The following SRRT variants were observed in gnomAD, a reference collection of about 807,000 sequenced individuals.
SRRT encodes serrate, RNA effector molecule.
In SRRT, 32 loss-of-function variants were observed where a neutral mutation model predicts 103.2. The observed-to-expected ratio is 0.31, with a 90% CI of 0.23 to 0.42. The LOEUF (loss-of-function observed/expected upper bound fraction) is 0.42, where lower values mean the gene tolerates loss of function less well. SRRT is among the 10% of genes least tolerant of loss of function. The pLI is 1.00. For missense variants in SRRT, 986 were observed against 1,207.5 expected (o/e 0.82, Z 2.72); for synonymous variants, 525 against 449.0 (o/e 1.17, Z -2.14).
chr7:100,876,582 A>C (rs1432807869), intron 2 of SRRT, among the ~76,000 whole-genome samples: 1 of 152,164 alleles, frequency 6.6e-6, no homozygotes, highest in Non-Finnish European at 1.5e-5. Context: ...TATTTCCCTG[A>C]CAATATATGA....
rs1197723954 is a variant in SRRT, at chr7:100,887,207, T to G, written c.1975+7T>G. The G allele has an allele frequency of 7.4e-6, 12 of 1,614,108 alleles. No individual in the cohort carries two copies. The highest frequency in any genetic ancestry group is 1.0e-5 in the Non-Finnish European group (12 of 1,179,978). Reference sequence around the variant, plus strand: ...CGCATCAGTCACGGGGAAGGTGAGCTCCAGGTTCCCCTTTGTTCCCGGCTG... The same window carrying G: ...CGCATCAGTCACGGGGAAGGTGAGCGCCAGGTTCCCCTTTGTTCCCGGCTG... On this transcript the variant is annotated splice_region_variant and intron_variant, in intron 15 of 19. Transcript: ENST00000611405. The surrounding 1 kb of genome is among the most constrained non-coding windows in gnomAD (Gnocchi z 4.1).
At chr7:100,880,924 G>GAA in intron 2 of SRRT, among the ~76,000 whole-genome samples, 1 of 152,106 alleles carries the variant, frequency 6.6e-6, no homozygotes, top group Admixed American at 6.6e-5. Context: ...TTGAGACAGG[G>GAA]TCTCTGTTGC....
chr7:100,876,754 T>C (rs546048578), intron 2 of SRRT, among the ~76,000 whole-genome samples: 1 of 151,856 alleles, frequency 6.6e-6, no homozygotes, highest in East Asian at 1.9e-4. Context: ...GTATATATAG[T>C]GGAAGTTATA....
chr7:100,881,815 G>C lies in SRRT; in HGVS notation c.398+10G>C, dbSNP rs907037899. 3.1e-6 allele frequency: 5 copies of C among 1,591,716 alleles called. No homozygotes were observed. The highest frequency in any genetic ancestry group is 4.3e-6 in the Non-Finnish European group (5 of 1,171,824). On this transcript the variant is annotated intron_variant, in intron 4 of 19. Coordinates refer to ENST00000611405, the MANE Select transcript of SRRT (RefSeq NM_015908.6). ...TGCCTATCCAGGCCAGGTAAGGGTG[G>C]GGCTTCTCAGAAGAGGGTTGGTAGG... is the stretch of plus-strand genomic sequence containing the variant.
Position 100,886,403 on chromosome 7 carries a change from G to A in SRRT, c.1615G>A (p.Ala539Thr). Residue 539 changes from alanine to threonine, a missense_variant, in exon 13 of 20, where the codon GCC becomes ACC. Coordinates refer to ENST00000611405, the MANE Select transcript of SRRT (RefSeq NM_015908.6). ...HTLDDRTQLW[A>T]SEPGTPPLPT... ...GCTGGATGACAGGACACAGCTTTGG[G>A]CCTCAGAACCAGGGACGCCTCCCCT... The A allele has an allele frequency of 5.6e-6, 9 of 1,613,304 alleles. No homozygotes were observed. Among genetic ancestry groups the A allele is most frequent in the African/African-American group, 1.3e-5 (1 of 75,020 alleles).
chr7:100,880,829 G>A (rs1816237724), intron 2 of SRRT: 1 of 309,766 alleles, frequency 3.2e-6, no homozygotes, highest in Non-Finnish European at 6.6e-6. Flanking sequence ...GGAAGGCCAG[G>A]CTGGGAGAAG....
At chr7:100,883,282 A>G (rs1463335292) in intron 5 of SRRT, among the ~76,000 whole-genome samples, 1 of 151,306 alleles carries the variant, frequency 6.6e-6, no homozygotes, top group South Asian at 2.1e-4. Context: ...TGGTTTTTTT[A>G]GTTTCTCTCT....
chr7:100,879,086 G>A (rs1162382909), intron 2 of SRRT, among the ~76,000 whole-genome samples: 1 of 152,086 alleles, frequency 6.6e-6, no homozygotes, highest in Non-Finnish European at 1.5e-5. Context: ...CTCCCGAGTA[G>A]TTGGGATTAC....
chr7:100,887,266 ATCCTTCCTTCTGGCTCCCTTGCCAACCT>A lies in SRRT; in HGVS notation c.1976-45_1976-18del. The A allele has an allele frequency of 5.0e-6, 8 of 1,610,448 alleles. No individual in the cohort carries two copies. The highest frequency in any genetic ancestry group is 6.8e-6 in the Non-Finnish European group (8 of 1,177,356). On this transcript the variant is annotated intron_variant, in intron 15 of 19. Coordinates refer to ENST00000611405, the MANE Select transcript of SRRT (RefSeq NM_015908.6). The surrounding 1 kb of genome is among the most constrained non-coding windows in gnomAD (Gnocchi z 4.1). Reference sequence around the variant, plus strand: ...CTTGGTCCTCCAGCCCCTTGCCACCATCCTTCCTTCTGGCTCCCTTGCCAACCTTCCTTCCTCTGTTCCCAAACCACAG... The same window carrying A: ...CTTGGTCCTCCAGCCCCTTGCCACCATCCTTCCTCTGTTCCCAAACCACAG...
intron 2 of SRRT, 115 bp downstream of exon 2, chr7:100,875,827 A>C: frequency 7.4e-7 from 1 of 1,359,344 alleles, no homozygotes; most frequent in Non-Finnish European, 1.0e-6. Context: ...GAAATGGCTC[A>C]TTGGACCGTT....
Position 100,882,325 on chromosome 7 carries a change from AGTTTTCCCT to A in SRRT, c.587+87_587+95del, listed in dbSNP as rs1282108780. 6.8e-7 allele frequency: 1 copy of A among 1,477,722 alleles called. No homozygotes were observed. Among genetic ancestry groups the A allele is most frequent in the Non-Finnish European group, 9.2e-7 (1 of 1,090,342 alleles). 91.5% of individuals were successfully genotyped at this position (1,477,722 alleles called of 1,614,324 possible). A position where few individuals can be genotyped will look rare whatever the true frequency, so the allele number is the denominator to read the frequency against. On this transcript the variant is annotated intron_variant, in intron 5 of 19. Transcript: ENST00000611405. The surrounding 1 kb of genome is among the most constrained non-coding windows in gnomAD (Gnocchi z 4.2). ...GGAGCCACAGCCCTGTCCTCTTCCCAGTTTTCCCTGTCCAGAACTTTCTGGGGGCGGGGG... is the reference window on the plus strand; with the variant it reads ...GGAGCCACAGCCCTGTCCTCTTCCCAGTCCAGAACTTTCTGGGGGCGGGGG...
In SRRT at chr7:100,880,951, T is replaced by C. The variant is rs139223621; in HGVS notation, c.123-334T>C. Among the ~76,000 whole-genome samples, 138 of 152,292 alleles carry C rather than the reference T, an allele frequency of 9.1e-4. 5 individuals carry two copies. Among genetic ancestry groups the C allele is most frequent in the Admixed American group, 8.0e-3 (122 of 15,294 alleles). The stretch of plus-strand genomic sequence containing the variant: ...CTCTGTTGCCAGGGCTGGAGTGCAG[T>C]GGCTTGCCCTGACTAGAGAAAAATC... On this transcript the variant is annotated intron_variant, in intron 2 of 19. Transcript: ENST00000611405.
rs1387288591 is a variant in SRRT at position 100,884,954 on chromosome 7, G to A, written c.1073G>A (p.Gly358Asp). ...AAGAAGCGGAACCGGAAGCACAGTG[G>A]TGACGACAGCTTTGACGAGGGCAGC... ...SSKKRNRKHS[G>D]DDSFDEGSVS... is the part of the protein sequence containing the mutation. Residue 358 changes from glycine to aspartate, a missense_variant, in exon 9 of 20, where the codon GGT becomes GAT. By Grantham distance (94) the Gly-to-Asp change is moderately conservative. Around this residue, in one of 6 missense-constraint regions of SRRT, gnomAD observed 166 missense variants for 148.6 expected, o/e 1.12. Transcript: ENST00000611405. 8.1e-6 allele frequency: 13 copies of A among 1,614,120 alleles called. No individual in the cohort carries two copies. Among genetic ancestry groups the A allele is most frequent in the Non-Finnish European group, 1.1e-5 (13 of 1,180,018 alleles).
chr7:100,886,982 C>CG lies in SRRT; in HGVS notation c.1821+15dup. The stretch of plus-strand genomic sequence containing the variant: ...AAGTTGATTAAGGTGCCAGTGGCAG[C>CG]GCGGGGCACGTGGGGGCTCGGGCGG... On this transcript the variant is annotated intron_variant, in intron 14 of 19. Coordinates refer to ENST00000611405, the MANE Select transcript of SRRT (RefSeq NM_015908.6). 6.2e-7 allele frequency: 1 copy of CG among 1,609,108 alleles called. No homozygotes were observed. Among genetic ancestry groups the CG allele is most frequent in the Non-Finnish European group, 8.5e-7 (1 of 1,176,450 alleles).
intron 1 of SRRT, 72 bp downstream of exon 1, chr7:100,875,400 G>A: frequency 7.2e-7 from 1 of 1,385,098 alleles, no homozygotes; most frequent in Admixed American, 2.8e-5. Context: ...GGGCGGGCGC[G>A]GAGAAACTCG....
rs149954299 is a variant in SRRT at position 100,884,200 on chromosome 7, A to G, written c.718A>G (p.Ile240Val). The change falls in exon 6 of 20, where the codon ATA (isoleucine) becomes GTA (valine). Residue 240 changes from isoleucine to valine, a missense_variant. By Grantham distance (29) the Ile-to-Val change is conservative. Transcript: ENST00000611405. ...TGWFDNLLLD[I>V]DKADAIVKML... ...CTGGTTTGATAACCTTCTCCTGGACATAGACAAAGCTGATGCCATTGTCAA... is the reference window on the plus strand; with the variant it reads ...CTGGTTTGATAACCTTCTCCTGGACGTAGACAAAGCTGATGCCATTGTCAA... 2.5e-6 allele frequency: 4 copies of G among 1,614,044 alleles called. No homozygotes were observed. The highest frequency in any genetic ancestry group is 2.2e-5 in the East Asian group (1 of 44,882).
In SRRT at chr7:100,875,151, G is replaced by GCGCGCGCTA. The variant is rs767939860; in HGVS notation, c.-194_-186dup. 6 of 161,780 alleles carry GCGCGCGCTA rather than the reference G, an allele frequency of 3.7e-5. No homozygotes were observed. The highest frequency in any genetic ancestry group is 1.4e-4 in the African/African-American group (6 of 41,518). 10.0% of individuals were successfully genotyped at this position (161,780 alleles called of 1,614,324 possible). ...GGGTGACGCAGGCGCAGCGCGGGCT[G>GCGCGCGCTA]CGCGCGCTACTGCCCATCCCCGGTT... On this transcript the variant is annotated 5_prime_UTR_variant, in exon 1 of 20. Transcript: ENST00000611405.
At chr7:100,883,422 T>G (rs1175011203) in intron 5 of SRRT, among the ~76,000 whole-genome samples, 1 of 152,190 alleles carries the variant, frequency 6.6e-6, no homozygotes, top group Non-Finnish European at 1.5e-5. Flanking sequence ...TTTGAAATGT[T>G]TTATTTTTCT....
At chr7:100,883,764 C>T (rs1283512678) in intron 5 of SRRT, among the ~76,000 whole-genome samples, 1 of 152,138 alleles carries the variant, frequency 6.6e-6, no homozygotes, top group East Asian at 1.9e-4. Context: ...TTAGTGTTTC[C>T]CAGAGATTTA....
Sources: allele counts gnomAD v4.1 joint callset (sites outside exome capture counted in the v4.1 genomes callset), GRCh38; gene constraint gnomAD v4.1.1; regional missense constraint gnomAD v4.1.1; non-coding constraint Gnocchi (gnomAD v3.1); transcripts MANE v1.5; gene names NCBI Gene and HGNC (gene_info 2026-07-23, HGNC 2026-07-21).